ACSL5: variants seen among roughly 807,000 people sequenced by gnomAD.
ACSL5 encodes long-chain-fatty-acid--CoA ligase 5.
A neutral mutation model predicts 84.9 loss-of-function variants in ACSL5; 50 were observed. The ratio of observed to expected loss-of-function variants is 0.59; its 90% CI spans 0.47 to 0.75. The LOEUF (loss-of-function observed/expected upper bound fraction) is 0.75. Ranked by LOEUF, ACSL5 falls within the 30% of genes least tolerant of loss-of-function variation. The pLI, the probability that ACSL5 is intolerant of heterozygous loss-of-function variation, is 0.00. For synonymous variants in ACSL5, 280 were observed against 300.7 expected, an observed-to-expected ratio of 0.93 and a Z score of 0.71; for missense variants, 775 against 830.4, an observed-to-expected ratio of 0.93 and a Z score of 0.82.
chr10:112,416,758 A>G, intron 12 of ACSL5, 130 bp from the exon 13 acceptor site: 2 of 1,007,940 alleles, frequency 2.0e-6, no homozygotes, highest in Non-Finnish European at 3.0e-6. Flanking sequence ...TTATTCAGCA[A>G]TCCAATTCAT....
In ACSL5 at chr10:112,427,410, T is replaced by A. The variant is rs1844775889; in HGVS notation, c.*52T>A. 6.7e-7 allele frequency: 1 copy of A among 1,497,150 alleles called. No individual in the cohort carries two copies. The highest frequency in any genetic ancestry group is 9.0e-7 in the Non-Finnish European group (1 of 1,116,906). 92.7% of individuals were successfully genotyped at this position (1,497,150 alleles called of 1,614,324 possible). A position where few individuals can be genotyped will look rare whatever the true frequency, so the allele number is the denominator to read the frequency against. On this transcript the variant is annotated 3_prime_UTR_variant, in exon 21 of 21. Coordinates refer to ENST00000354655, the MANE Select transcript of ACSL5 (RefSeq NM_203379.2). ...CCACTGTGCACTGCTTGTGAGAAAA[T>A]GGATTAAAAACTATTCTTACATTTG...
chr10:112,383,855 A>T (rs1849398316), intron 1 of ACSL5, among the ~76,000 whole-genome samples: 1 of 151,900 alleles, frequency 6.6e-6, no homozygotes, highest in South Asian at 2.1e-4. Context: ...AACAGTACAC[A>T]TCAAGTGTTA....
In ACSL5 at chr10:112,399,015, C is replaced by T. The variant is rs1157727813; in HGVS notation, c.265+6C>T. ...AAGAGGACTCGCTGTGTCTGGTAAG[C>T]CTGGTGGTCTGTCCTTGCCTGAAGA... is the stretch of plus-strand genomic sequence containing the variant. On this transcript the variant is annotated splice_donor_region_variant and intron_variant, in intron 3 of 20. Coordinates refer to ENST00000354655, the MANE Select transcript of ACSL5 (RefSeq NM_203379.2). The T allele has an allele frequency of 1.9e-6, 3 of 1,609,942 alleles. No individual in the cohort carries two copies. The highest frequency in any genetic ancestry group is 2.6e-6 in the Non-Finnish European group (3 of 1,176,334).
intron 12 of ACSL5, among the ~76,000 whole-genome samples, chr10:112,416,671 G>T (rs1844322251): frequency 6.6e-6 from 1 of 152,010 alleles, no homozygotes; most frequent in Non-Finnish European, 1.5e-5. Flanking sequence ...AAAAATTGGG[G>T]CAGGAAGTGG....
At chr10:112,413,431 T>G in intron 12 of ACSL5, 124 bp downstream of exon 12, 1 of 1,239,718 alleles carries the variant, frequency 8.1e-7, no homozygotes, top group Non-Finnish European at 1.1e-6. Context: ...AAGCCGTGTG[T>G]AAATACAATC....
rs1281871870 is a variant in ACSL5 at position 112,422,010 on chromosome 10, A to G, written c.1451A>G (p.Tyr484Cys). ...VKLEDVADMN[Y>C]FTVNNEGEVC... ...CTGGAAGATGTGGCTGACATGAACT[A>G]CTTTACAGTGAATAATGAAGGAGAG... The change falls in exon 16 of 21, where the codon TAC becomes TGC. Residue 484 changes from tyrosine (Y) to cysteine (C), a missense_variant. Transcript: ENST00000354655. 2.5e-6 allele frequency: 4 copies of G among 1,614,220 alleles called. No individual in the cohort carries two copies. The highest frequency in any genetic ancestry group is 1.3e-5 in the African/African-American group (1 of 75,056).
At chr10:112,397,132 C>G (rs1843764545) in intron 2 of ACSL5, among the ~76,000 whole-genome samples, 1 of 151,668 alleles carries the variant, frequency 6.6e-6, no homozygotes, top group African/African-American at 2.4e-5. Context: ...GTAGATCCAG[C>G]TGACATTTCA....
chr10:112,427,162 C>T, intron 20 of ACSL5, 56 bp from the exon 21 acceptor site: 4 of 1,555,040 alleles, frequency 2.6e-6, no homozygotes, highest in Non-Finnish European at 3.5e-6. Flanking sequence ...TCAGGGGGCT[C>T]TGCAGAGAAG....
At chr10:112,422,199 T>G in intron 16 of ACSL5, 126 bp from the exon 17 acceptor site, 1 of 1,072,642 alleles carries the variant, frequency 9.3e-7, no homozygotes, top group East Asian at 2.4e-5. Flanking sequence ...GAGACTTAGA[T>G]CTGGTGCTCT....
chr10:112,400,410 T>TTC (rs945191928), intron 3 of ACSL5, among the ~76,000 whole-genome samples: 3 of 111,360 alleles, frequency 2.7e-5, no homozygotes, highest in African/African-American at 9.6e-5. Context: ...TCTTTTCTTT[T>TTC]TTTTTTTTTT....
Position 112,409,609 on chromosome 10 carries a change from T to C in ACSL5, c.635T>C (p.Met212Thr), listed in dbSNP as rs373064877. 1 of 1,614,046 alleles carries C rather than the reference T, an allele frequency of 6.2e-7. No individual in the cohort carries two copies. The highest frequency in any genetic ancestry group is 1.3e-5 in the African/African-American group (1 of 74,942). ...CCGAGCCTGAAGGTGATCATCCTTA[T>C]GGACCCCTTTGATGATGACCTGAAG... is the stretch of plus-strand genomic sequence containing the variant. ...FTPSLKVIIL[M>T]DPFDDDLKQR... is the part of the protein sequence containing the mutation. Residue 212 changes from methionine to threonine, a missense_variant, in exon 7 of 21, where the codon ATG (methionine) becomes ACG (threonine). Physicochemically the swap from Met to Thr is moderately conservative, Grantham distance 81. Coordinates refer to ENST00000354655, the MANE Select transcript of ACSL5 (RefSeq NM_203379.2).
chr10:112,401,835 TCTTTCTTCCTTCCTTCCTTC>T (rs1843912708), intron 3 of ACSL5, among the ~76,000 whole-genome samples: 1 of 101,202 alleles, frequency 9.9e-6, no homozygotes, highest in African/African-American at 3.8e-5. Flanking sequence ...TTTCTTTCTT[TCTTTCTTCCTTCCTTCCTTC>T]CTTTCTTTCT....
chr10:112,391,240 A>C (rs1849556848), intron 1 of ACSL5, among the ~76,000 whole-genome samples: 1 of 152,104 alleles, frequency 6.6e-6, no homozygotes, highest in Admixed American at 6.6e-5. Context: ...TTAGTTGCGC[A>C]TGGTGGCAGG....
intron 1 of ACSL5, among the ~76,000 whole-genome samples, chr10:112,390,692 A>ATAGG (rs1316648293): frequency 6.6e-6 from 1 of 150,564 alleles, no homozygotes; most frequent in Non-Finnish European, 1.5e-5. Context: ...AGATAGATAG[A>ATAGG]TAGATAGAGT....
rs1844223416 is a variant in ACSL5 at position 112,413,110 on chromosome 10, A to G, written c.949-63A>G. The stretch of plus-strand genomic sequence containing the variant: ...TCAGCCCACCTCCTGAATTCCTTCC[A>G]AGACAGGTCCCCACTAAAGGGGTTG... On this transcript the variant is annotated intron_variant, in intron 11 of 20. Transcript: ENST00000354655. 4.4e-6 allele frequency: 7 copies of G among 1,583,144 alleles called. No homozygotes were observed. In the Admixed American group the frequency reaches 8.6e-5, roughly 19 times the overall value.
intron 2 of ACSL5, among the ~76,000 whole-genome samples, chr10:112,396,742 C>G (rs1180871463): frequency 2.0e-5 from 3 of 152,188 alleles, no homozygotes; most frequent in African/African-American, 7.2e-5. Context: ...TTAAATGTAT[C>G]TCTTCTTACC....
At chr10:112,421,480 C>T in intron 14 of ACSL5, 113 bp from the exon 15 acceptor site, 1 of 893,216 alleles carries the variant, frequency 1.1e-6, no homozygotes, top group Non-Finnish European at 1.8e-6. Context: ...TTTTAAGACA[C>T]TAAGTGGTCT....
chr10:112,376,411 T>C (rs1178052306), intron 1 of ACSL5: 1 of 1,614,018 alleles, frequency 6.2e-7, no homozygotes, highest in Admixed American at 1.7e-5. Context: ...GAAGCCCCCA[T>C]TCACTAGAAG....
Position 112,405,196 on chromosome 10 carries a change from A to G in ACSL5, c.432+390A>G, listed in dbSNP as rs138576068. ...ATTGAACTAGTAAATTCAGCCATTC[A>G]TTGCTACTGAGTCTGGCCATAGCTA... is the stretch of plus-strand genomic sequence containing the variant. On this transcript the variant is annotated intron_variant, in intron 5 of 20. Transcript: ENST00000354655. 2.0e-3 allele frequency among the ~76,000 whole-genome samples: 303 copies of G among 152,302 alleles called. 1 individual carries two copies. Among genetic ancestry groups the G allele is most frequent in the African/African-American group, 7.0e-3 (290 of 41,558 alleles).
Sources: gnomAD v4.1 joint callset for allele counts (sites outside exome capture counted in the v4.1 genomes callset) on GRCh38, gnomAD v4.1.1 for gene constraint, MANE v1.5 for transcripts, NCBI Gene and HGNC (gene_info 2026-07-23, HGNC 2026-07-21) for gene names.